The following ADCY8 variants were observed in gnomAD, a reference collection of about 807,000 sequenced individuals.
ADCY8 encodes adenylate cyclase type 8.
Under a neutral mutation model 119.7 loss-of-function variants are expected in ADCY8, and 51 were observed. The observed-to-expected ratio is 0.43, with a 90% CI of 0.34 to 0.54. The LOEUF is 0.54. Among genes scored for constraint, ADCY8 ranks in the 20% least tolerant of loss-of-function variants. The pLI, the probability that ADCY8 is intolerant of heterozygous loss-of-function variation, is 0.03. For synonymous variants in ADCY8, 665 were observed against 651.0 expected (o/e 1.02, Z -0.33); for missense variants, 1,383 against 1,598.8 (o/e 0.87, Z 2.30).
intron 9 of ADCY8, among the ~76,000 whole-genome samples, chr8:130,867,467 G>A (rs1216026293): frequency 2.0e-5 from 3 of 152,158 alleles, no homozygotes; most frequent in Non-Finnish European, 2.9e-5. Flanking sequence ...TTATTAAAGT[G>A]TTGATTTTGC....
chr8:130,897,944 TAAC>T (rs1819461346), intron 7 of ADCY8, among the ~76,000 whole-genome samples: 1 of 148,666 alleles, frequency 6.7e-6, no homozygotes, highest in Non-Finnish European at 1.5e-5. Flanking sequence ...CAAATACACA[TAAC>T]ACACACCACA....
chr8:130,932,243 G>A (rs1366763450), intron 5 of ADCY8, among the ~76,000 whole-genome samples: 1 of 152,160 alleles, frequency 6.6e-6, no homozygotes, highest in Non-Finnish European at 1.5e-5. Context: ...CCATTGCTAA[G>A]GGATGTCCAG....
At chr8:130,992,822 G>C (rs1049865538) in intron 1 of ADCY8, among the ~76,000 whole-genome samples, 8 of 119,578 alleles carry the variant, frequency 6.7e-5, no homozygotes, top group African/African-American at 2.4e-4. Context: ...AGGAAGGAGA[G>C]AATGGGGCTA....
chr8:130,983,908 G>C (rs1822316269), intron 2 of ADCY8, among the ~76,000 whole-genome samples: 1 of 152,178 alleles, frequency 6.6e-6, no homozygotes, highest in Non-Finnish European at 1.5e-5. Flanking sequence ...GCAAATGAAT[G>C]GGAGACTTGG....
intron 15 of ADCY8, among the ~76,000 whole-genome samples, chr8:130,789,828 T>C (rs868442093): frequency 6.6e-6 from 1 of 152,272 alleles, no homozygotes; most frequent in East Asian, 1.9e-4. Context: ...GGGAACTTGG[T>C]TGAGTTGCAA....
intron 15 of ADCY8, among the ~76,000 whole-genome samples, chr8:130,796,769 C>A (rs1030156946): frequency 4.7e-5 from 7 of 149,904 alleles, no homozygotes; most frequent in African/African-American, 1.7e-4. Context: ...CCACCTCCTC[C>A]CCTTTCCTCC....
chr8:130,788,866 C>T (rs1312574770), intron 15 of ADCY8, among the ~76,000 whole-genome samples: 2 of 151,976 alleles, frequency 1.3e-5, no homozygotes, highest in African/African-American at 4.8e-5. Flanking sequence ...TTGAAACACA[C>T]AAGAATATGA....
At chr8:130,981,080 T>A (rs1822226091) in intron 2 of ADCY8, among the ~76,000 whole-genome samples, 2 of 152,184 alleles carry the variant, frequency 1.3e-5, no homozygotes, top group Non-Finnish European at 2.9e-5. Context: ...CTATGAAAAA[T>A]GAGTTGAATA....
At chr8:130,948,465 G>A (rs1215738566) in intron 3 of ADCY8, among the ~76,000 whole-genome samples, 1 of 152,100 alleles carries the variant, frequency 6.6e-6, no homozygotes, top group East Asian at 1.9e-4. Flanking sequence ...CCACAGGGAT[G>A]AGGTGATGCA....
intron 14 of ADCY8, among the ~76,000 whole-genome samples, chr8:130,809,728 G>A (rs150421101): frequency 2.0e-5 from 3 of 152,302 alleles, no homozygotes; most frequent in East Asian, 3.9e-4. Context: ...GGCTTAATAC[G>A]TTGGGATTTT....
In ADCY8 at chr8:131,039,454, G is replaced by A; in HGVS notation, c.880C>T (p.Leu294=). Residue 294 remains leucine, a synonymous_variant, in exon 1 of 18, where the codon CTG becomes TTG. Transcript: ENST00000286355. The part of the protein sequence containing the change: ...MLPLPLTWAI[L]AGLGTSLLQV... Reference sequence around the variant, plus strand: ...AGCAGCGAGGTGCCCAGGCCGGCCAGGATGGCCCAGGTGAGCGGCAGCGGC... The same window carrying A: ...AGCAGCGAGGTGCCCAGGCCGGCCAAGATGGCCCAGGTGAGCGGCAGCGGC... The A allele has an allele frequency of 2.5e-6, 4 of 1,614,212 alleles. No homozygotes were observed. The highest frequency in any genetic ancestry group is 3.4e-6 in the Non-Finnish European group (4 of 1,180,048).
chr8:130,933,754 A>G (rs558127992), intron 5 of ADCY8, among the ~76,000 whole-genome samples: 4 of 152,354 alleles, frequency 2.6e-5, no homozygotes, highest in African/African-American at 9.6e-5. Context: ...GAGAAATAAT[A>G]ATGCTCTAAG....
intron 1 of ADCY8, among the ~76,000 whole-genome samples, chr8:131,038,995 G>T (rs1034055041): frequency 6.6e-6 from 1 of 152,184 alleles, no homozygotes; most frequent in African/African-American, 2.4e-5. Context: ...CTCTCCTGAG[G>T]AGAGATGTTA....
At chr8:130,856,668 A>G (rs181945753) in intron 9 of ADCY8, among the ~76,000 whole-genome samples, 82 of 152,318 alleles carry the variant, frequency 5.4e-4, no homozygotes, top group Middle Eastern at 3.4e-3. Flanking sequence ...ATCGACATAC[A>G]TAGCATATAC....
chr8:130,872,518 T>C (rs1024039471), intron 8 of ADCY8, among the ~76,000 whole-genome samples: 1 of 152,200 alleles, frequency 6.6e-6, no homozygotes, highest in African/African-American at 2.4e-5. Context: ...ATTTATGATA[T>C]ACAGAAAGGG....
At chr8:131,006,700 AT>A (rs2130772434) in intron 1 of ADCY8, among the ~76,000 whole-genome samples, 1 of 152,292 alleles carries the variant, frequency 6.6e-6, no homozygotes, top group South Asian at 2.1e-4. Flanking sequence ...GGCAACATTG[AT>A]AAAAAGGGAA....
intron 7 of ADCY8, among the ~76,000 whole-genome samples, chr8:130,896,076 C>T (rs778760977): frequency 6.6e-6 from 1 of 152,128 alleles, no homozygotes; most frequent in Non-Finnish European, 1.5e-5. Flanking sequence ...TCATTCTTGG[C>T]TTAATTCCTG....
chr8:131,030,120 C>T (rs1823951960), intron 1 of ADCY8, among the ~76,000 whole-genome samples: 1 of 152,124 alleles, frequency 6.6e-6, no homozygotes, highest in Admixed American at 6.5e-5. Context: ...GACTTTGAGC[C>T]TTGCCTACAC....
chr8:130,854,837 C>T (rs182860332), intron 9 of ADCY8, among the ~76,000 whole-genome samples: 13,456 of 48,460 alleles, frequency 0.28, 1,151 homozygotes, highest in Middle Eastern at 0.38. Flanking sequence ...CTCCCTCCCT[C>T]CCTTCCTTCC....
Sources: gnomAD v4.1 joint callset for allele counts (sites outside exome capture counted in the v4.1 genomes callset) on GRCh38, gnomAD v4.1.1 for gene constraint, MANE v1.5 for transcripts, NCBI Gene and HGNC (gene_info 2026-07-23, HGNC 2026-07-21) for gene names.